EYA2: variants seen among roughly 807,000 people sequenced by gnomAD.
EYA2 encodes EYA transcriptional coactivator and phosphatase 2, also known as protein phosphatase EYA2.
EYA2 carries 31 observed loss-of-function variants against 69.2 expected under a neutral mutation model. The observed-to-expected ratio is 0.45, with a 90% CI of 0.34 to 0.60. The LOEUF (loss-of-function observed/expected upper bound fraction) is 0.60. Among genes scored for constraint, EYA2 ranks in the 20% least tolerant of loss-of-function variants. EYA2 has a pLI of 0.02. For missense variants in EYA2, 622 were observed against 701.2 expected, an observed-to-expected ratio of 0.89 and a Z score of 1.28; for synonymous variants, 257 against 279.4, an observed-to-expected ratio of 0.92 and a Z score of 0.80.
chr20:46,996,200 T>G (rs2146337539), intron 2 of EYA2, among the ~76,000 whole-genome samples: 1 of 152,360 alleles, frequency 6.6e-6, no homozygotes, highest in East Asian at 1.9e-4. Context: ...CAATTGCACA[T>G]AAGTATGCAC....
At chr20:47,029,054 A>G (rs568447045) in intron 5 of EYA2, among the ~76,000 whole-genome samples, 147 of 152,382 alleles carry the variant, frequency 9.6e-4, no homozygotes, top group African/African-American at 3.4e-3. Context: ...AAGCACATGT[A>G]CAGATTGGAT....
intron 7 of EYA2, among the ~76,000 whole-genome samples, chr20:47,088,787 A>G (rs2031979698): frequency 1.3e-5 from 2 of 152,130 alleles, no homozygotes; most frequent in South Asian, 2.1e-4. Context: ...GGGTCTTGCT[A>G]TGTTGCCTAG....
intron 1 of EYA2, among the ~76,000 whole-genome samples, chr20:46,984,564 A>G (rs1221523723): frequency 6.6e-6 from 1 of 152,204 alleles, no homozygotes; most frequent in Non-Finnish European, 1.5e-5. Context: ...TTTGGCAAAA[A>G]GTAGAAAGTG....
chr20:46,970,698 A>C (rs902871732), intron 1 of EYA2, among the ~76,000 whole-genome samples: 2 of 152,178 alleles, frequency 1.3e-5, no homozygotes, highest in African/African-American at 4.8e-5. Context: ...ATTGAAGAAG[A>C]AGCAGGCGGC....
chr20:46,956,015 A>G (rs997703445), intron 1 of EYA2, among the ~76,000 whole-genome samples: 4 of 152,152 alleles, frequency 2.6e-5, no homozygotes, highest in African/African-American at 9.6e-5. Flanking sequence ...AAAATCAGGA[A>G]GTGCACCAGA....
At position 47,173,527 on chromosome 20, in the gene EYA2, AAAAAAC is replaced by A. The variant is rs1317017454; in HGVS notation, c.1198+661_1198+666del. Among the ~76,000 whole-genome samples, 5 of 149,372 alleles carry A rather than the reference AAAAAAC, an allele frequency of 3.3e-5. No individual in the cohort carries two copies. The Admixed American group carries it at 3.6e-4, about 11-fold the overall frequency. On this transcript the variant is annotated intron_variant, in intron 12 of 15. Transcript: ENST00000327619. The stretch of plus-strand genomic sequence containing the variant: ...GACCCCGTAAAAAAAAAAAAAAAAA[AAAAAAC>A]GTGCAGGGTCTCAGGCCTCATCCTG...
At chr20:47,015,687 A>G (rs1344252746) in intron 4 of EYA2, among the ~76,000 whole-genome samples, 1 of 152,194 alleles carries the variant, frequency 6.6e-6, no homozygotes, top group Admixed American at 6.5e-5. Flanking sequence ...TGTACAAAAT[A>G]TGAGACCTTC....
At chr20:46,949,093 A>G (rs1978645991) in intron 1 of EYA2, among the ~76,000 whole-genome samples, 1 of 152,188 alleles carries the variant, frequency 6.6e-6, no homozygotes, top group African/African-American at 2.4e-5. Context: ...ATTGGAGCAG[A>G]GTCTCTGACT....
intron 1 of EYA2, among the ~76,000 whole-genome samples, chr20:46,943,470 T>C (rs577930209): frequency 6.6e-6 from 1 of 152,324 alleles, no homozygotes; most frequent in South Asian, 2.1e-4. Flanking sequence ...GTGAGATCAA[T>C]GAGAAATACG....
intron 9 of EYA2, among the ~76,000 whole-genome samples, chr20:47,134,113 T>C (rs184895910): frequency 7.0e-4 from 107 of 152,310 alleles, no homozygotes; most frequent in African/African-American, 2.5e-3. Flanking sequence ...TCTAAATCTT[T>C]ATAGCAGACC....
intron 5 of EYA2, among the ~76,000 whole-genome samples, chr20:47,033,682 A>G (rs1984543604): frequency 6.6e-6 from 1 of 152,220 alleles, no homozygotes; most frequent in Non-Finnish European, 1.5e-5. Context: ...GGAAATGATC[A>G]TGTCATGCCT....
intron 5 of EYA2, among the ~76,000 whole-genome samples, chr20:47,046,766 T>C (rs1033604698): frequency 6.6e-6 from 1 of 152,158 alleles, no homozygotes; most frequent in African/African-American, 2.4e-5. Context: ...CTGTAAAATA[T>C]GACTGTTAAG....
chr20:47,169,375 G>T (rs115381704), intron 11 of EYA2, among the ~76,000 whole-genome samples, 178 bp downstream of exon 11: 2,595 of 152,234 alleles, frequency 0.017, 80 homozygotes, highest in African/African-American at 0.059. Context: ...GGCGGGTGTG[G>T]TGGCTCATAC....
rs771650179 is a variant in EYA2, at chr20:47,143,179, G to A, written c.978+31G>A. On this transcript the variant is annotated intron_variant, in intron 10 of 15. Coordinates refer to ENST00000327619, the MANE Select transcript of EYA2 (RefSeq NM_005244.5). ...TGGTTGCTGATTTCATTTAATATTT[G>A]CCATGTTTAATCACCTGCATCTAGT... The A allele has an allele frequency of 7.0e-6, 11 of 1,573,528 alleles. No homozygotes were observed. The East Asian group carries it at 1.6e-4, about 23-fold the overall frequency.
At chr20:46,951,766 G>T (rs1313511976) in intron 1 of EYA2, among the ~76,000 whole-genome samples, 1 of 152,206 alleles carries the variant, frequency 6.6e-6, no homozygotes, top group Non-Finnish European at 1.5e-5. Context: ...AGAGGATGGG[G>T]GCGAGAGTGT....
At chr20:47,134,988 G>A (rs368011523) in intron 9 of EYA2, among the ~76,000 whole-genome samples, 2 of 151,976 alleles carry the variant, frequency 1.3e-5, no homozygotes, top group East Asian at 1.9e-4. Flanking sequence ...TTAGCCGGGC[G>A]TGGTGGCGGG....
intron 1 of EYA2, among the ~76,000 whole-genome samples, chr20:46,902,670 CA>C (rs1384123735): frequency 6.6e-6 from 1 of 152,168 alleles, no homozygotes; most frequent in African/African-American, 2.4e-5. Flanking sequence ...TGGTTAGGTA[CA>C]AAAATCAGGT....
intron 1 of EYA2, among the ~76,000 whole-genome samples, chr20:46,907,876 G>A (rs1984441753): frequency 6.7e-6 from 1 of 149,190 alleles, no homozygotes; most frequent in Non-Finnish European, 1.5e-5. Flanking sequence ...AGTGTGCCTG[G>A]AGCGACTGTC....
chr20:47,122,553 C>A (rs1308177617), intron 9 of EYA2, among the ~76,000 whole-genome samples: 1 of 152,014 alleles, frequency 6.6e-6, no homozygotes, highest in Non-Finnish European at 1.5e-5. Context: ...CTATCTCGGC[C>A]TCCCAAAGTG....
Sources: allele counts gnomAD v4.1 joint callset (sites outside exome capture counted in the v4.1 genomes callset), GRCh38; gene constraint gnomAD v4.1.1; transcripts MANE v1.5; gene names NCBI Gene and HGNC (gene_info 2026-07-23, HGNC 2026-07-21).